The following RNASET2 variants were observed in gnomAD, a reference collection of about 807,000 sequenced individuals.
RNASET2 encodes the protein ribonuclease 6.
Under a neutral mutation model 33.9 loss-of-function variants are expected in RNASET2, and 28 were observed. That is an observed-to-expected ratio of 0.83 (90% CI 0.61 to 1.13). The LOEUF (loss-of-function observed/expected upper bound fraction) is 1.13, where lower values mean the gene tolerates loss of function less well. RNASET2 is among the 50% of genes most tolerant of loss of function. RNASET2 has a pLI of 0.00. For missense variants in RNASET2, 330 were observed against 319.9 expected, an observed-to-expected ratio of 1.03 and a Z score of -0.24; for synonymous variants, 123 against 121.0, an observed-to-expected ratio of 1.02 and a Z score of -0.11.
Position 166,927,713 on chromosome 6 carries a change from C to CAAA in RNASET2, c.*1872_*1874dup, listed in dbSNP as rs58837223. Among the ~76,000 whole-genome samples, 120 of 47,234 alleles carry CAAA rather than the reference C, an allele frequency of 2.5e-3. 1 individual carries two copies. Among genetic ancestry groups the CAAA allele is most frequent in the African/African-American group, 4.6e-3 (53 of 11,648 alleles). 31.0% of individuals were successfully genotyped at this position (47,234 alleles called of 152,430 possible). ...TGATCCCTGTGTTCGCAAAATGACT[C>CAAA]AAAAAAAAAAAAAAAAAAAAAAAGA... On this transcript the variant is annotated 3_prime_UTR_variant, in exon 9 of 9. Coordinates refer to ENST00000508775, the MANE Select transcript of RNASET2 (RefSeq NM_003730.6).
intron 8 of RNASET2, 142 bp downstream of exon 8, chr6:166,930,902 A>G: frequency 1.4e-6 from 1 of 735,494 alleles, no homozygotes. Context: ...ACATGCACAC[A>G]CACACCACAT....
chr6:166,938,014 G>C (rs1284934966), intron 6 of RNASET2, among the ~76,000 whole-genome samples: 1 of 152,170 alleles, frequency 6.6e-6, no homozygotes, highest in Non-Finnish European at 1.5e-5. Context: ...AAGCAATGGA[G>C]GTTTATTCAT....
At chr6:166,941,920 G>C (rs1473868143) in intron 5 of RNASET2, among the ~76,000 whole-genome samples, 1 of 152,158 alleles carries the variant, frequency 6.6e-6, no homozygotes, top group Non-Finnish European at 1.5e-5. Context: ...ATTCAACATG[G>C]CGTTTATGCC....
chr6:166,944,856 C>T (rs1237110866), intron 4 of RNASET2, among the ~76,000 whole-genome samples: 2 of 152,216 alleles, frequency 1.3e-5, no homozygotes, highest in South Asian at 4.1e-4. Flanking sequence ...GCACTGTCCC[C>T]TCTGCCCACC....
At chr6:166,940,213 G>A (rs3777723) in intron 5 of RNASET2, among the ~76,000 whole-genome samples, 25,325 of 152,192 alleles carry the variant, frequency 0.17, 2,714 homozygotes, top group East Asian at 0.47. Context: ...CAGCTTTATT[G>A]GTGATGAATT....
chr6:166,931,011 G>A (rs1778423730), intron 8 of RNASET2, 33 bp downstream of exon 8: 2 of 1,504,782 alleles, frequency 1.3e-6, no homozygotes, highest in Non-Finnish European at 9.3e-7. Flanking sequence ...GTCTTCTTGA[G>A]AAAAAAAGGA....
chr6:166,941,048 G>C (rs940389837), intron 5 of RNASET2, among the ~76,000 whole-genome samples: 7 of 152,196 alleles, frequency 4.6e-5, no homozygotes, highest in African/African-American at 1.4e-4. Context: ...TGAGTGATAG[G>C]CACAGGACTG....
At position 166,923,727 on chromosome 6, in the gene RNASET2, G is replaced by A. The variant is rs1387225920; in HGVS notation, c.*5861C>T. ...AACCCTCACTACTGCCCCTTCTATGGGAAACGTAGCTCATCCCATAAGCAA... is the reference window on the plus strand; with the variant it reads ...AACCCTCACTACTGCCCCTTCTATGAGAAACGTAGCTCATCCCATAAGCAA... On this transcript the variant is annotated 3_prime_UTR_variant, in exon 9 of 9. Transcript: ENST00000508775. Among the ~76,000 whole-genome samples, 1 of 152,116 alleles carries A rather than the reference G, an allele frequency of 6.6e-6. No individual in the cohort carries two copies. The highest frequency in any genetic ancestry group is 1.5e-5 in the Non-Finnish European group (1 of 68,020).
rs960894610 is a variant in RNASET2 at position 166,927,845 on chromosome 6, A to T, written c.*1743T>A. On this transcript the variant is annotated 3_prime_UTR_variant, in exon 9 of 9. Coordinates refer to ENST00000508775, the MANE Select transcript of RNASET2 (RefSeq NM_003730.6). ...AGGAAATCACGCCCTTCCAGGTGCA[A>T]AACAAATCAGATCTTGTCCCTCTCA... is the stretch of plus-strand genomic sequence containing the variant. 1.3e-5 allele frequency among the ~76,000 whole-genome samples: 2 copies of T among 152,102 alleles called. No individual in the cohort carries two copies. Among genetic ancestry groups the T allele is most frequent in the African/African-American group, 4.8e-5 (2 of 41,406 alleles).
chr6:166,949,139 A>T (rs1778919439), intron 2 of RNASET2, among the ~76,000 whole-genome samples: 1 of 141,982 alleles, frequency 7.0e-6, no homozygotes, highest in African/African-American at 2.6e-5. Context: ...GCTTGAACTC[A>T]GTGAGCCGAG....
At chr6:166,949,199 C>CAA (rs1169530046) in intron 2 of RNASET2, among the ~76,000 whole-genome samples, 802 of 52,168 alleles carry the variant, frequency 0.015, 16 homozygotes, top group Middle Eastern at 0.083. Flanking sequence ...ACCGTGTCTC[C>CAA]AAAAAAAAAA....
intron 6 of RNASET2, 118 bp downstream of exon 6, chr6:166,938,777 T>G (rs748996475): frequency 1.3e-6 from 1 of 785,278 alleles, no homozygotes; most frequent in African/African-American, 1.7e-5. Flanking sequence ...ATAGTGCACA[T>G]GCAGAAGCTG....
chr6:166,934,459 A>G, intron 6 of RNASET2: 1 of 322,624 alleles, frequency 3.1e-6, no homozygotes, highest in South Asian at 3.6e-5. Context: ...CACCTGCTTT[A>G]AAAGACAGCA....
intron 6 of RNASET2, among the ~76,000 whole-genome samples, chr6:166,938,221 G>A (rs1482785600): frequency 1.3e-5 from 2 of 152,214 alleles, no homozygotes; most frequent in African/African-American, 4.8e-5. Flanking sequence ...ATGAAGGTCA[G>A]TGAGAGCAGC....
rs1778343008 is a variant in RNASET2, at chr6:166,928,583, G to C, written c.*1005C>G. On this transcript the variant is annotated 3_prime_UTR_variant, in exon 9 of 9. Coordinates refer to ENST00000508775, the MANE Select transcript of RNASET2 (RefSeq NM_003730.6). The stretch of plus-strand genomic sequence containing the variant: ...AATAAAACATAAATAGGACGTTAAT[G>C]TGATTAAGACAAACAGAGAAAAGGA... 6.6e-6 allele frequency among the ~76,000 whole-genome samples: 1 copy of C among 151,986 alleles called. No homozygotes were observed. The highest frequency in any genetic ancestry group is 1.5e-5 in the Non-Finnish European group (1 of 68,014).
chr6:166,953,393 G>C (rs1332251853), intron 1 of RNASET2: 1 of 152,248 alleles, frequency 6.6e-6, no homozygotes, highest in African/African-American at 2.4e-5. Context: ...AAAGCCAGCA[G>C]CAACACAGGA....
chr6:166,947,846 T>G (rs540003579), intron 3 of RNASET2, among the ~76,000 whole-genome samples: 1 of 152,206 alleles, frequency 6.6e-6, no homozygotes, highest in Non-Finnish European at 1.5e-5. Context: ...GTCACAAGTA[T>G]GTCCATGTTA....
intron 3 of RNASET2, 88 bp downstream of exon 3, chr6:166,948,482 C>G (rs767779312): frequency 2.4e-6 from 2 of 843,394 alleles, no homozygotes; most frequent in Non-Finnish European, 4.2e-6. Context: ...AAATAAAAAA[C>G]AAGAATAAAT....
rs755657092 is a variant in RNASET2, at chr6:166,952,518, C to T, written c.117G>A (p.Met39Ile). ...RDNHEWKKLI[M>I]VQHWPETVCE... is the part of the protein sequence containing the mutation. ...ATACTGTCTCAGGCCAGTGCTGAAC[C>T]ATAATTAGTTTTTTCCACTCATGGT... The change falls in exon 2 of 9, where the codon ATG (methionine) becomes ATA (isoleucine). Residue 39 changes from methionine to isoleucine, a missense_variant. By Grantham distance (10) the Met-to-Ile change is conservative. Coordinates refer to ENST00000508775, the MANE Select transcript of RNASET2 (RefSeq NM_003730.6). 3.1e-6 allele frequency: 5 copies of T among 1,613,940 alleles called. No individual in the cohort carries two copies. In the African/African-American group the frequency reaches 6.7e-5, roughly 22 times the overall value.
Sources: gnomAD v4.1 joint callset for allele counts (sites outside exome capture counted in the v4.1 genomes callset) on GRCh38, gnomAD v4.1.1 for gene constraint, MANE v1.5 for transcripts, NCBI Gene and HGNC (gene_info 2026-07-23, HGNC 2026-07-21) for gene names.